The following MAP3K15 variants were observed in gnomAD, a reference collection of about 807,000 sequenced individuals.
The protein encoded by MAP3K15 is MAPK/ERK kinase kinase 15.
Under a neutral mutation model 99.5 loss-of-function variants are expected in MAP3K15, and 124 were observed. The ratio of observed to expected loss-of-function variants is 1.25; its 90% CI spans 1.08 to 1.45. The LOEUF (loss-of-function observed/expected upper bound fraction) is 1.45. MAP3K15 is among the 40% of genes most tolerant of loss of function. MAP3K15 has a pLI of 0.00. For synonymous variants in MAP3K15, 494 were observed against 439.6 expected (o/e 1.12, Z -1.55); for missense variants, 1,242 against 1,079.7 (o/e 1.15, Z -2.11).
chrX:19,473,960 G>C (rs1027464090), intron 3 of MAP3K15, among the ~76,000 whole-genome samples: 4 of 112,083 alleles, frequency 3.6e-5, no homozygotes, highest in Non-Finnish European at 7.5e-5. Context: ...GCCTAACTTT[G>C]TTTGTTTTGA....
chrX:19,379,572 C>T (rs1202939296), intron 19 of MAP3K15, among the ~76,000 whole-genome samples: 1 of 107,939 alleles, frequency 9.3e-6, no homozygotes, highest in East Asian at 2.9e-4. Flanking sequence ...TTCAGTCTCC[C>T]GAGTAGCTGG....
intron 9 of MAP3K15, 106 bp from the exon 10 acceptor site, chrX:19,415,363 T>C (rs1485398297): frequency 3.9e-6 from 3 of 763,385 alleles, no homozygotes; most frequent in African/African-American, 2.2e-5. Flanking sequence ...CTTAAATTCA[T>C]ATTATGTCAT....
intron 12 of MAP3K15, among the ~76,000 whole-genome samples, chrX:19,408,180 A>G (rs954053241): frequency 9.9e-5 from 11 of 111,343 alleles, no homozygotes; most frequent in African/African-American, 3.6e-4. Context: ...CGCTCAAAGT[A>G]TACTCTTCAG....
chrX:19,412,814 G>A (rs1021796073), intron 11 of MAP3K15, among the ~76,000 whole-genome samples: 4 of 110,741 alleles, frequency 3.6e-5, no homozygotes, highest in African/African-American at 9.9e-5. Flanking sequence ...AGCTCACTGT[G>A]GCCTCGACCT....
rs767724647 is a variant in MAP3K15, at chrX:19,374,793, C to T, written c.2590-133G>A. On this transcript the variant is annotated intron_variant, in intron 19 of 28. Coordinates refer to ENST00000338883, the MANE Select transcript of MAP3K15 (RefSeq NM_001001671.4). ...TAATCCATGCCCCCTTGCAACGTCA[C>T]GTTCTTGTTCCTCCCACCCCAAGGT... The T allele has an allele frequency of 9.4e-6, 5 of 533,452 alleles. No individual in the cohort carries two copies. The East Asian group carries it at 1.5e-4, about 16-fold the overall frequency. 44.0% of individuals were successfully genotyped at this position (533,452 alleles called of 1,213,427 possible).
chrX:19,389,301 TAAA>T (rs34025622), intron 18 of MAP3K15, among the ~76,000 whole-genome samples: 2 of 62,845 alleles, frequency 3.2e-5, no homozygotes, highest in Non-Finnish European at 3.2e-5. Context: ...ATAAGGCTGC[TAAA>T]AAAAAAAAAA....
chrX:19,459,904 G>T, intron 5 of MAP3K15, 81 bp downstream of exon 5: 2 of 757,157 alleles, frequency 2.6e-6, no homozygotes, highest in Non-Finnish European at 3.7e-6. Context: ...CACATACTGA[G>T]TATACAAATA....
intron 3 of MAP3K15, among the ~76,000 whole-genome samples, chrX:19,465,772 C>A (rs2064163375): frequency 9.3e-6 from 1 of 107,107 alleles, no homozygotes; most frequent in South Asian, 4.2e-4. Context: ...CAAAACAAAA[C>A]CAAAACCCAC....
chrX:19,464,475 G>A (rs749891483), intron 3 of MAP3K15, 69 bp from the exon 4 acceptor site: 12 of 840,969 alleles, frequency 1.4e-5, no homozygotes, highest in African/African-American at 8.0e-5. Flanking sequence ...GGCAGGTGGC[G>A]CCTGGTGGGA....
At chrX:19,470,415 C>T (rs890990838) in intron 3 of MAP3K15, among the ~76,000 whole-genome samples, 1 of 109,400 alleles carries the variant, frequency 9.1e-6, no homozygotes, top group African/African-American at 3.3e-5. Flanking sequence ...GTGGGGGGAG[C>T]AGGGAGGGAT....
chrX:19,485,800 A>G (rs2064320915), intron 3 of MAP3K15, among the ~76,000 whole-genome samples: 1 of 111,256 alleles, frequency 9.0e-6, no homozygotes, highest in Admixed American at 9.6e-5. Flanking sequence ...CGGTTTCTCA[A>G]ACCACAATGC....
At chrX:19,446,428 T>C (rs2063998934) in intron 6 of MAP3K15, among the ~76,000 whole-genome samples, 1 of 111,691 alleles carries the variant, frequency 9.0e-6, no homozygotes, top group East Asian at 2.8e-4. Context: ...CTCTCTCTCT[T>C]TAAAAAAGAT....
At chrX:19,498,942 T>G (rs769407774) in intron 1 of MAP3K15, among the ~76,000 whole-genome samples, 1 of 112,462 alleles carries the variant, frequency 8.9e-6, no homozygotes, top group South Asian at 3.7e-4. Context: ...ATTAGACTTC[T>G]TCAAAACGAA....
chrX:19,448,872 T>G (rs1225933594), intron 6 of MAP3K15, among the ~76,000 whole-genome samples: 1 of 109,821 alleles, frequency 9.1e-6, no homozygotes, highest in Non-Finnish European at 1.9e-5. Flanking sequence ...ACTATGCTAA[T>G]ATTTTACTTA....
chrX:19,505,356 A>G (rs1195623798), intron 1 of MAP3K15, among the ~76,000 whole-genome samples: 1 of 112,049 alleles, frequency 8.9e-6, no homozygotes, highest in Non-Finnish European at 1.9e-5. Context: ...GATTTTCAAA[A>G]CCTAAGTTGC....
At chrX:19,486,535 C>CT in intron 2 of MAP3K15, 30 bp from the exon 3 acceptor site, 2 of 807,217 alleles carry the variant, frequency 2.5e-6, no homozygotes, top group Non-Finnish European at 3.4e-6. Flanking sequence ...ATGAATATAG[C>CT]TTTTTGTAAA....
intron 25 of MAP3K15, among the ~76,000 whole-genome samples, chrX:19,365,031 C>A (rs1309380292): frequency 9.1e-6 from 1 of 109,998 alleles, no homozygotes; most frequent in East Asian, 2.8e-4. Flanking sequence ...TGGTGAAACC[C>A]CGTCTCTACT....
intron 18 of MAP3K15, among the ~76,000 whole-genome samples, chrX:19,388,600 T>A (rs73637635): frequency 0.082 from 9,132 of 112,038 alleles, 627 homozygotes; most frequent in African/African-American, 0.21. Context: ...TAACTCACTT[T>A]ACCCTCATAA....
chrX:19,495,377 A>G (rs776031749), intron 1 of MAP3K15, among the ~76,000 whole-genome samples: 94 of 111,742 alleles, frequency 8.4e-4, no homozygotes, highest in Admixed American at 7.4e-3. Context: ...ATTCAGTGTT[A>G]GGACATCAGC....
Sources: allele counts gnomAD v4.1 joint callset (sites outside exome capture counted in the v4.1 genomes callset), GRCh38; gene constraint gnomAD v4.1.1; transcripts MANE v1.5; gene names NCBI Gene and HGNC (gene_info 2026-07-23, HGNC 2026-07-21).